ACYP2: variants seen among roughly 807,000 people sequenced by gnomAD.
ACYP2 encodes acylphosphatase 2.
A neutral mutation model predicts 11.2 loss-of-function variants in ACYP2; 12 were observed. The ratio of observed to expected loss-of-function variants is 1.08; its 90% confidence interval spans 0.69 to 1.74. The LOEUF (loss-of-function observed/expected upper bound fraction) is 1.74. Ranked by LOEUF, ACYP2 falls within the 40% of genes most tolerant of loss-of-function variation. ACYP2 has a pLI of 0.00. For missense variants in ACYP2, 134 were observed against 101.9 expected, an observed-to-expected ratio of 1.31 and a Z score of -1.35; for synonymous variants, 43 against 32.2, an observed-to-expected ratio of 1.33 and a Z score of -1.13.
At chr2:54,008,249 T>A (rs771009505) in intron 2 of ACYP2, among the ~76,000 whole-genome samples, 1 of 152,228 alleles carries the variant, frequency 6.6e-6, no homozygotes, top group Non-Finnish European at 1.5e-5. Context: ...TAAAGTCCAC[T>A]AACACCTCTA....
chr2:54,144,047 G>T (rs1681767109), intron 6 of ACYP2, among the ~76,000 whole-genome samples: 1 of 152,072 alleles, frequency 6.6e-6, no homozygotes, highest in African/African-American at 2.4e-5. Context: ...ACAGCTCACT[G>T]CAGCCTTGAC....
intron 2 of ACYP2, among the ~76,000 whole-genome samples, chr2:54,035,712 G>C (rs1227025107): frequency 1.3e-5 from 2 of 152,110 alleles, no homozygotes; most frequent in African/African-American, 4.8e-5. Context: ...ATAATTTTCG[G>C]TTATAGAAGA....
At chr2:54,062,500 A>G in intron 4 of ACYP2, among the ~76,000 whole-genome samples, 1 of 152,192 alleles carries the variant, frequency 6.6e-6, no homozygotes, top group East Asian at 1.9e-4. Context: ...TACTTCCTAT[A>G]TAGGATATCA....
chr2:54,080,291 G>A (rs1205553577), intron 4 of ACYP2: 1 of 152,190 alleles, frequency 6.6e-6, no homozygotes, highest in Non-Finnish European at 1.5e-5. Context: ...TGGAAGCAAG[G>A]ACCCTAAAAA....
Position 54,136,006 on chromosome 2 carries a change from T to G in ACYP2, c.294+537T>G, listed in dbSNP as rs574105469. On this transcript the variant is annotated intron_variant, in intron 5 of 6. Coordinates refer to ENST00000607452, the MANE Select transcript of ACYP2 (RefSeq NM_001320586.2). ...TCCGCCTTCCAGGCTCAAGTGATTCTCCTGCCTCACCCTCCCAAGTAGCTG... is the reference window on the plus strand; with the variant it reads ...TCCGCCTTCCAGGCTCAAGTGATTCGCCTGCCTCACCCTCCCAAGTAGCTG... Among the ~76,000 whole-genome samples, 27 of 152,338 alleles carry G rather than the reference T, an allele frequency of 1.8e-4. No individual in the cohort carries two copies. In the East Asian group the frequency reaches 4.6e-3, roughly 26 times the overall value.
At chr2:54,169,081 A>G (rs1020435982) in intron 6 of ACYP2, among the ~76,000 whole-genome samples, 3 of 152,178 alleles carry the variant, frequency 2.0e-5, no homozygotes, top group Admixed American at 6.5e-5. Flanking sequence ...TTTGAACGCT[A>G]TTCTTTCTAA....
intron 2 of ACYP2, among the ~76,000 whole-genome samples, chr2:53,989,976 C>A (rs1365577747): frequency 3.5e-5 from 4 of 112,850 alleles, no homozygotes; most frequent in African/African-American, 1.4e-4. Context: ...CTTTTCTTTT[C>A]TTTTCTTTTT....
At chr2:54,046,167 C>CAA (rs36114622) in intron 2 of ACYP2, among the ~76,000 whole-genome samples, 21 of 55,846 alleles carry the variant, frequency 3.8e-4, no homozygotes, top group Non-Finnish European at 4.8e-4. Context: ...CAGACCCTGT[C>CAA]AAAAAAAAAA....
At chr2:54,292,360 T>C (rs1689346323) in intron 6 of ACYP2, among the ~76,000 whole-genome samples, 1 of 152,200 alleles carries the variant, frequency 6.6e-6, no homozygotes, top group Non-Finnish European at 1.5e-5. Context: ...AGATGTCTTA[T>C]AGGTATAAAA....
At chr2:53,991,371 C>G (rs937868207) in intron 2 of ACYP2, among the ~76,000 whole-genome samples, 2 of 151,602 alleles carry the variant, frequency 1.3e-5, no homozygotes, top group Non-Finnish European at 2.9e-5. Context: ...GGATACATAC[C>G]TAGGCATAGA....
At chr2:54,071,086 C>G (rs989635502) in intron 4 of ACYP2, among the ~76,000 whole-genome samples, 4 of 152,070 alleles carry the variant, frequency 2.6e-5, no homozygotes, top group Admixed American at 6.6e-5. Flanking sequence ...AATCCAAACA[C>G]CCTTTCATGA....
chr2:54,218,668 G>A (rs1558621294), intron 6 of ACYP2, among the ~76,000 whole-genome samples: 1 of 151,536 alleles, frequency 6.6e-6, no homozygotes, highest in Non-Finnish European at 1.5e-5. Context: ...AAGAAGCCTA[G>A]AGGTAGTCAG....
intron 6 of ACYP2, among the ~76,000 whole-genome samples, chr2:54,155,126 A>G (rs188974024): frequency 3.9e-5 from 6 of 152,274 alleles, no homozygotes; most frequent in African/African-American, 1.2e-4. Flanking sequence ...ATTCTGTGGT[A>G]TAAATCACAG....
At chr2:54,170,819 A>G (rs1327733300) in intron 6 of ACYP2, among the ~76,000 whole-genome samples, 1 of 152,180 alleles carries the variant, frequency 6.6e-6, no homozygotes, top group African/African-American at 2.4e-5. Context: ...CCTGTAATGA[A>G]GTAGTTACAC....
chr2:54,014,570 C>T (rs1048155524), intron 2 of ACYP2, among the ~76,000 whole-genome samples: 5 of 152,144 alleles, frequency 3.3e-5, no homozygotes, highest in Non-Finnish European at 5.9e-5. Context: ...ATCCGCCCAC[C>T]TTGGCCTCCC....
chr2:54,085,460 T>G (rs760546493), intron 4 of ACYP2, among the ~76,000 whole-genome samples: 85 of 152,358 alleles, frequency 5.6e-4, no homozygotes, highest in Middle Eastern at 3.4e-3. Flanking sequence ...ATCTTTCTTT[T>G]TTTTTAAATT....
At chr2:54,256,610 G>T (rs1243881933) in intron 6 of ACYP2, among the ~76,000 whole-genome samples, 1 of 151,986 alleles carries the variant, frequency 6.6e-6, no homozygotes, top group Non-Finnish European at 1.5e-5. Flanking sequence ...TTCTCTTCCA[G>T]TATAGGTATT....
At chr2:54,304,227 TG>T (rs1689832774) in intron 6 of ACYP2, among the ~76,000 whole-genome samples, 1 of 104,286 alleles carries the variant, frequency 9.6e-6, no homozygotes, top group African/African-American at 2.9e-5. Flanking sequence ...TCTGTGTGTG[TG>T]TGTGTGTGTG....
chr2:54,063,837 G>T (rs1676596777), intron 4 of ACYP2, among the ~76,000 whole-genome samples: 1 of 152,174 alleles, frequency 6.6e-6, no homozygotes, highest in South Asian at 2.1e-4. Context: ...GGACCAGAGA[G>T]GGTGGGGCTG....
Sources: gnomAD v4.1 joint callset for allele counts (sites outside exome capture counted in the v4.1 genomes callset) on GRCh38, gnomAD v4.1.1 for gene constraint, MANE v1.5 for transcripts, NCBI Gene and HGNC (gene_info 2026-07-23, HGNC 2026-07-21) for gene names.